Variants in FREM1 observed in about 807,000 individuals in gnomAD.
FREM1 encodes FRAS1-related extracellular matrix protein 1.
A neutral mutation model predicts 210.1 loss-of-function variants in FREM1; 220 were observed. The ratio of observed to expected loss-of-function variants is 1.05; its 90% CI spans 0.94 to 1.17. FREM1 has a LOEUF of 1.17. Among genes scored for constraint, FREM1 ranks in the 50% most tolerant of loss-of-function variants. The probability of loss-of-function intolerance (pLI) is 0.00; values close to 1 mark genes in which losing one functional copy is unlikely to be tolerated. For missense variants in FREM1, 3,454 were observed against 2,675.5 expected (o/e 1.29, Z -6.42); for synonymous variants, 1,189 against 980.2 (o/e 1.21, Z -3.98).
At chr9:14,883,288 T>C (rs73417653) in intron 1 of FREM1, among the ~76,000 whole-genome samples, 1,811 of 152,248 alleles carry the variant, frequency 0.012, 30 homozygotes, top group African/African-American at 0.042. Flanking sequence ...AGAGTAACAA[T>C]TTCCAAATTC....
chr9:14,782,044 G>C (rs796329463), intron 24 of FREM1, among the ~76,000 whole-genome samples: 25 of 152,298 alleles, frequency 1.6e-4, no homozygotes, highest in African/African-American at 6.0e-4. Context: ...GAACAATTCA[G>C]AACAACAGAC....
chr9:14,860,818 C>CGTATATACGT (rs1277480359), intron 3 of FREM1, among the ~76,000 whole-genome samples: 2 of 48,084 alleles, frequency 4.2e-5, no homozygotes, highest in African/African-American at 2.0e-4. Context: ...CATATATACA[C>CGTATATACGT]ATATATACAT....
chr9:14,800,384 C>T (rs1588061211), intron 20 of FREM1, among the ~76,000 whole-genome samples: 1 of 152,150 alleles, frequency 6.6e-6, no homozygotes, highest in Non-Finnish European at 1.5e-5. Flanking sequence ...GAACCGCACA[C>T]TTTTCTCAGA....
At chr9:14,793,859 CCCAGGGCTGACATCTT>C (rs1385907906) in intron 21 of FREM1, among the ~76,000 whole-genome samples, 1 of 152,190 alleles carries the variant, frequency 6.6e-6, no homozygotes, top group Non-Finnish European at 1.5e-5. Context: ...TATCTTGCTA[CCCAGGGCTGACATCTT>C]CCCTCGCAGT....
At chr9:14,906,700 T>C (rs1437453431) in intron 1 of FREM1, among the ~76,000 whole-genome samples, 1 of 152,186 alleles carries the variant, frequency 6.6e-6, no homozygotes, top group Middle Eastern at 3.2e-3. Context: ...GAAGGTAGCA[T>C]GGCAGTGGGT....
Position 14,836,126 on chromosome 9 carries a change from A to G in FREM1, c.1881+5321T>C, listed in dbSNP as rs1446632720. Among the ~76,000 whole-genome samples, 1 of 152,170 alleles carries G rather than the reference A, an allele frequency of 6.6e-6. No homozygotes were observed. Among genetic ancestry groups the G allele is most frequent in the Non-Finnish European group, 1.5e-5 (1 of 68,032 alleles). ...AAAATAAAACCAAGGAACTTCATAGACCCCCAAAGGGGAGTTCTCTATCTT... is the reference window on the plus strand; with the variant it reads ...AAAATAAAACCAAGGAACTTCATAGGCCCCCAAAGGGGAGTTCTCTATCTT... On this transcript the variant is annotated intron_variant, in intron 10 of 36. Transcript: ENST00000380880. This position sits in a 1 kb window ranked among gnomAD's most constrained non-coding sequence, Gnocchi z 4.9.
At chr9:14,828,183 T>C (rs1480601591) in intron 10 of FREM1, among the ~76,000 whole-genome samples, 1 of 152,166 alleles carries the variant, frequency 6.6e-6, no homozygotes, top group Non-Finnish European at 1.5e-5. Flanking sequence ...AGCTGTTGCC[T>C]GGGCTGTACC....
At chr9:14,778,478 C>T (rs1245643631) in intron 24 of FREM1, among the ~76,000 whole-genome samples, 3 of 148,902 alleles carry the variant, frequency 2.0e-5, no homozygotes, top group Admixed American at 6.7e-5. Flanking sequence ...GGGTGTGGTG[C>T]GTGCCTGTAG....
Position 14,759,862 on chromosome 9 carries a change from G to A in FREM1, c.5244C>T (p.Thr1748=), listed in dbSNP as rs150403611. Residue 1748 remains threonine, a synonymous_variant, in exon 28 of 37, where the codon ACC becomes ACT. Coordinates refer to ENST00000380880, the MANE Select transcript of FREM1 (RefSeq NM_001379081.2). ...LKWSHIEWSQ[T]EYEVCENVGL... is the part of the protein sequence containing the mutation. ...CCACATTCTCACAGACTTCATATTC[G>A]GTCTGTGACCATTCAATATGAGACC... is the stretch of plus-strand genomic sequence containing the variant. 8.7e-6 allele frequency: 14 copies of A among 1,610,212 alleles called. No homozygotes were observed. The highest frequency in any genetic ancestry group is 4.0e-5 in the African/African-American group (3 of 74,936).
At chr9:14,851,722 G>A in intron 5 of FREM1, 115 bp from the exon 6 acceptor site, 1 of 860,096 alleles carries the variant, frequency 1.2e-6, no homozygotes, top group Non-Finnish European at 1.9e-6. Flanking sequence ...GCAGTGACCT[G>A]AAGCCTGGCT....
chr9:14,786,546 C>G (rs1326140924), intron 23 of FREM1, among the ~76,000 whole-genome samples: 1 of 152,150 alleles, frequency 6.6e-6, no homozygotes, highest in Non-Finnish European at 1.5e-5. Context: ...TTGGCAATGT[C>G]TGGAGACATT....
chr9:14,825,014 C>A, intron 10 of FREM1, 22 bp from the exon 11 acceptor site: 2 of 1,528,468 alleles, frequency 1.3e-6, no homozygotes, highest in Non-Finnish European at 1.8e-6. Flanking sequence ...ATGTCTGTAC[C>A]ATTAATTTGA....
At chr9:14,751,280 G>C (rs559495980) in intron 29 of FREM1, among the ~76,000 whole-genome samples, 8 of 152,268 alleles carry the variant, frequency 5.3e-5, no homozygotes, top group African/African-American at 1.9e-4. Flanking sequence ...TTGCTCATTG[G>C]CTATTTGAGT....
At chr9:14,764,991 C>T (rs1195116014) in intron 27 of FREM1, among the ~76,000 whole-genome samples, 2 of 152,098 alleles carry the variant, frequency 1.3e-5, no homozygotes, top group Non-Finnish European at 2.9e-5. Flanking sequence ...TAAGTCTGTA[C>T]TTCAAAGGGG....
chr9:14,851,294 C>G lies in FREM1; in HGVS notation c.1142G>C (p.Arg381Thr), dbSNP rs759478668. The G allele has an allele frequency of 1.3e-6, 2 of 1,587,554 alleles. No homozygotes were observed. Among genetic ancestry groups the G allele is most frequent in the East Asian group, 2.2e-5 (1 of 44,650 alleles). Residue 381 changes from arginine to threonine, a missense_variant, in exon 6 of 37, where the codon AGA becomes ACA. Physicochemically the swap from Arg to Thr is moderately conservative, Grantham distance 71 (BLOSUM62 -1). Transcript: ENST00000380880. The stretch of plus-strand genomic sequence containing the variant: ...GTCTCTCCTTCTTACCTCATCATGT[C>G]TCCTCTCAGAATGGCTGCTGTTTGG... ...QPPNSSHSER[R>T]HDEVELEVYD...
At chr9:14,899,683 A>G (rs1838425506) in intron 1 of FREM1, among the ~76,000 whole-genome samples, 1 of 152,228 alleles carries the variant, frequency 6.6e-6, no homozygotes, top group Non-Finnish European at 1.5e-5. Context: ...AGAGTCTCCA[A>G]GACACAAATA....
intron 17 of FREM1, among the ~76,000 whole-genome samples, chr9:14,807,197 G>C (rs925099660): frequency 1.3e-5 from 2 of 152,138 alleles, no homozygotes; most frequent in Non-Finnish European, 2.9e-5. Context: ...ATGAAAGTAA[G>C]AATTGCCCAA....
intron 10 of FREM1, among the ~76,000 whole-genome samples, chr9:14,834,468 G>C (rs1824171166): frequency 6.6e-6 from 1 of 152,106 alleles, no homozygotes; most frequent in Non-Finnish European, 1.5e-5. Flanking sequence ...AAGATAAAAT[G>C]GAATAATCTA....
rs1433485145 is a variant in FREM1 at position 14,824,959 on chromosome 9, G to A, written c.1915C>T (p.Gln639Ter). 1.2e-6 allele frequency: 2 copies of A among 1,603,228 alleles called. No individual in the cohort carries two copies. Among genetic ancestry groups the A allele is most frequent in the Admixed American group, 1.7e-5 (1 of 57,328 alleles). The stretch of plus-strand genomic sequence containing the variant: ...ACTCCAGGAGCCTCTTTTGGAAGCT[G>A]GTCATCCACTGGAGTTATATGGATT... ...ATIHITPVDDQLPKEAPGVSR... is the reference protein window; with the variant it reads ...ATIHITPVDD The change falls in exon 11 of 37, where the codon CAG (glutamine) becomes TAG (stop). Residue 639 changes from glutamine (Q) to a stop codon, truncating the protein, a stop_gained. Transcript: ENST00000380880. LOFTEE classifies it high-confidence loss of function.
Sources: gnomAD v4.1 joint callset for allele counts (sites outside exome capture counted in the v4.1 genomes callset) on GRCh38, gnomAD v4.1.1 for gene constraint, Gnocchi (gnomAD v3.1) non-coding constraint, MANE v1.5 for transcripts, NCBI Gene and HGNC (gene_info 2026-07-23, HGNC 2026-07-21) for gene names.